PTGIS: variants seen among roughly 807,000 people sequenced by gnomAD.
The protein encoded by PTGIS is prostacyclin synthase.
PTGIS carries 45 observed loss-of-function variants against 50.3 expected under a neutral mutation model. That is an observed-to-expected ratio of 0.90 (90% confidence interval 0.70 to 1.15). The LOEUF (loss-of-function observed/expected upper bound fraction) is 1.15, where lower values mean the gene tolerates loss of function less well. Ranked by LOEUF, PTGIS falls within the 50% of genes most tolerant of loss-of-function variation. PTGIS has a pLI of 0.00. For missense variants in PTGIS, 668 were observed against 661.3 expected, an observed-to-expected ratio of 1.01 and a Z score of -0.11; for synonymous variants, 260 against 267.7, an observed-to-expected ratio of 0.97 and a Z score of 0.28.
chr20:49,526,220 G>A (rs972275453), intron 5 of PTGIS, among the ~76,000 whole-genome samples: 23 of 152,184 alleles, frequency 1.5e-4, no homozygotes, highest in East Asian at 5.8e-4. Flanking sequence ...CCTGCAGGGC[G>A]CGGGCAGTGT....
chr20:49,528,689 A>T (rs1981856326), intron 5 of PTGIS, among the ~76,000 whole-genome samples: 2 of 152,210 alleles, frequency 1.3e-5, no homozygotes, highest in African/African-American at 4.8e-5. Flanking sequence ...ACATTTGTAT[A>T]TCCCTTAGAG....
At chr20:49,537,322 AC>A (rs755601282) in intron 5 of PTGIS, among the ~76,000 whole-genome samples, 16 of 152,214 alleles carry the variant, frequency 1.1e-4, no homozygotes, top group Non-Finnish European at 2.4e-4. Flanking sequence ...CACTCTACCA[AC>A]ACTAAGTACG....
intron 5 of PTGIS, among the ~76,000 whole-genome samples, chr20:49,534,448 C>T (rs1402685632): frequency 6.6e-6 from 1 of 152,172 alleles, no homozygotes; most frequent in Non-Finnish European, 1.5e-5. Flanking sequence ...GAAATGCATC[C>T]TTCCTATAGC....
At chr20:49,532,007 A>T (rs752612506) in intron 5 of PTGIS, among the ~76,000 whole-genome samples, 1 of 152,194 alleles carries the variant, frequency 6.6e-6, no homozygotes, top group Non-Finnish European at 1.5e-5. Context: ...CCAGGGAGTT[A>T]TGGAGCATTT....
At chr20:49,533,881 A>AGG (rs1477323711) in intron 5 of PTGIS, among the ~76,000 whole-genome samples, 25 of 152,076 alleles carry the variant, frequency 1.6e-4, no homozygotes, top group African/African-American at 5.8e-4. Context: ...GAATTGCTTG[A>AGG]ACCTGGGAGG....
intron 3 of PTGIS, 71 bp from the exon 4 acceptor site, chr20:49,544,519 C>G: frequency 6.3e-7 from 1 of 1,579,448 alleles, no homozygotes; most frequent in South Asian, 1.1e-5. Context: ...CACCTCCCTC[C>G]CCAAACCTAA....
At chr20:49,536,423 T>C (rs928421992) in intron 5 of PTGIS, among the ~76,000 whole-genome samples, 1 of 151,862 alleles carries the variant, frequency 6.6e-6, no homozygotes, top group African/African-American at 2.4e-5. Context: ...ACATAGTAAG[T>C]GCTCAGCAAA....
At chr20:49,508,522 A>C (rs1490091816) in intron 9 of PTGIS, among the ~76,000 whole-genome samples, 1 of 152,168 alleles carries the variant, frequency 6.6e-6, no homozygotes, top group Non-Finnish European at 1.5e-5. Flanking sequence ...GAGACTCGGC[A>C]GGTGCAGAGC....
intron 5 of PTGIS, among the ~76,000 whole-genome samples, chr20:49,533,564 TA>T (rs1403723400): frequency 6.6e-6 from 1 of 151,726 alleles, no homozygotes. Flanking sequence ...AGAAGAAAAA[TA>T]AAGAATCTAA....
At chr20:49,520,076 A>G (rs1419782506) in intron 6 of PTGIS, among the ~76,000 whole-genome samples, 1 of 151,998 alleles carries the variant, frequency 6.6e-6, no homozygotes, top group Non-Finnish European at 1.5e-5. Context: ...TGTCTCACTC[A>G]CAGTAAAAGC....
intron 5 of PTGIS, 22 bp downstream of exon 5, chr20:49,539,548 C>T (rs769604131): frequency 3.1e-6 from 5 of 1,611,304 alleles, no homozygotes; most frequent in Non-Finnish European, 4.2e-6. Context: ...CCCCCACCCA[C>T]TGGGGCCCCC....
chr20:49,542,720 G>C (rs983776049), intron 4 of PTGIS, among the ~76,000 whole-genome samples: 1 of 152,196 alleles, frequency 6.6e-6, no homozygotes, highest in Non-Finnish European at 1.5e-5. Context: ...TACAGCCCTT[G>C]ACACTGTTTG....
In PTGIS at chr20:49,510,902, C is replaced by T. The variant is rs977592804; in HGVS notation, c.1358+126G>A. On this transcript the variant is annotated intron_variant, in intron 9 of 9. Coordinates refer to ENST00000244043, the MANE Select transcript of PTGIS (RefSeq NM_000961.4). ...AAAACCACAAATAAGAGATGGCTCA[C>T]GGGCTGTCCATGTGAAGCCTCTGCC... The T allele has an allele frequency of 8.3e-6, 7 of 843,390 alleles. No homozygotes were observed. The African/African-American group carries it at 1.0e-4, about 12-fold the overall frequency. 52.2% of individuals were successfully genotyped at this position (843,390 alleles called of 1,614,324 possible).
At chr20:49,567,101 T>A (rs1043701824) in intron 1 of PTGIS, among the ~76,000 whole-genome samples, 1 of 152,188 alleles carries the variant, frequency 6.6e-6, no homozygotes, top group Admixed American at 6.5e-5. Context: ...GAGAGAGGAC[T>A]AGACTTCAGG....
chr20:49,510,971 C>A, intron 9 of PTGIS, 57 bp downstream of exon 9: 4 of 1,556,986 alleles, frequency 2.6e-6, no homozygotes, highest in South Asian at 1.1e-5. Context: ...GAGAGAAGGG[C>A]GCCTGCCAAC....
intron 1 of PTGIS, among the ~76,000 whole-genome samples, chr20:49,552,543 C>T (rs1982537603): frequency 6.6e-6 from 1 of 151,930 alleles, no homozygotes; most frequent in Admixed American, 6.6e-5. Context: ...GTCTGTCTCT[C>T]TCTCTCTTTA....
intron 9 of PTGIS, among the ~76,000 whole-genome samples, chr20:49,510,667 A>G (rs945228232): frequency 5.3e-5 from 8 of 152,300 alleles, no homozygotes; most frequent in African/African-American, 1.9e-4. Flanking sequence ...GGAACAGTGA[A>G]GTTCGGCCAG....
chr20:49,565,241 C>G (rs770157862), intron 1 of PTGIS, among the ~76,000 whole-genome samples: 1 of 151,982 alleles, frequency 6.6e-6, no homozygotes, highest in Non-Finnish European at 1.5e-5. Flanking sequence ...CGGCCATTGT[C>G]CTTCTTTAAG....
chr20:49,558,478 G>T (rs982045811), intron 1 of PTGIS, among the ~76,000 whole-genome samples: 1 of 152,186 alleles, frequency 6.6e-6, no homozygotes, highest in African/African-American at 2.4e-5. Flanking sequence ...GTAAAATCGT[G>T]CAGCTGCTTT....
Sources: allele counts gnomAD v4.1 joint callset (sites outside exome capture counted in the v4.1 genomes callset), GRCh38; gene constraint gnomAD v4.1.1; transcripts MANE v1.5; gene names NCBI Gene and HGNC (gene_info 2026-07-23, HGNC 2026-07-21).